Variants in NDUFAF6 observed in about 807,000 individuals in gnomAD.
The protein encoded by NDUFAF6 is NADH:ubiquinone oxidoreductase complex assembly factor 6, also known as NADH dehydrogenase (ubiquinone) complex I, assembly factor 6.
Under a neutral mutation model 40.8 loss-of-function variants are expected in NDUFAF6, and 45 were observed. The observed-to-expected ratio is 1.10, with a 90% CI of 0.87 to 1.42. The LOEUF is 1.42. Ranked by LOEUF, NDUFAF6 falls within the 40% of genes most tolerant of loss-of-function variation. The pLI is 0.00. For synonymous variants in NDUFAF6, 185 were observed against 155.9 expected (o/e 1.19, Z -1.39); for missense variants, 435 against 418.5 (o/e 1.04, Z -0.34).
rs138193094 is a variant in NDUFAF6 at position 94,992,236 on chromosome 8, C to G, written c.-84+11263C>G. ...GGCACGGTGGCTCACACCTGTAATC[C>G]CAGCACTTTGGGAGGCCAAGGGGGG... On this transcript the variant is annotated intron_variant, in intron 2 of 9. Coordinates refer to the NDUFAF6 transcript ENST00000396111. 6.8e-4 allele frequency among the ~76,000 whole-genome samples: 103 copies of G among 152,216 alleles called. 3 individuals are homozygous for G. The East Asian group carries it at 0.015, about 22-fold the overall frequency.
chr8:95,077,301 C>T (rs556260623), downstream of NDUFAF6, among the ~76,000 whole-genome samples: 1 of 152,314 alleles, frequency 6.6e-6, no homozygotes, highest in East Asian at 1.9e-4. Context: ...AAGAACAACA[C>T]AGCCTTGTAA....
chr8:94,980,730 G>A (rs1825377337), intron 1 of NDUFAF6: 1 of 265,312 alleles, frequency 3.8e-6, no homozygotes, highest in Non-Finnish European at 7.8e-6. Flanking sequence ...GTTTGAAGGT[G>A]TAAGCCACCG....
intron 2 of NDUFAF6, among the ~76,000 whole-genome samples, chr8:95,090,641 G>T (rs546733440): frequency 5.3e-5 from 8 of 152,232 alleles, no homozygotes; most frequent in African/African-American, 1.9e-4. Flanking sequence ...GGGTGTGATG[G>T]TTAATACTGA....
chr8:95,058,749 A>G (rs1458804702), downstream of NDUFAF6: 4 of 989,622 alleles, frequency 4.0e-6, no homozygotes, highest in East Asian at 1.1e-4. Flanking sequence ...CTTCCCAGTG[A>G]TGAGCACTGT....
intron 1 of NDUFAF6, among the ~76,000 whole-genome samples, chr8:94,914,816 C>T (rs539970832): frequency 1.1e-4 from 17 of 149,248 alleles, no homozygotes; most frequent in African/African-American, 3.7e-4. Context: ...ACCTGGGAGG[C>T]GGAGGCGTCT....
chr8:95,045,121 A>G (rs1372584499), intron 4 of NDUFAF6, among the ~76,000 whole-genome samples: 1 of 152,148 alleles, frequency 6.6e-6, no homozygotes, highest in African/African-American at 2.4e-5. Context: ...TAATGTGTCC[A>G]TGCCTCAGTT....
chr8:94,931,679 G>C (rs1384888833), intron 1 of NDUFAF6, among the ~76,000 whole-genome samples: 3 of 151,872 alleles, frequency 2.0e-5, no homozygotes, highest in South Asian at 2.1e-4. Context: ...TTAATATAAA[G>C]AAAATTATTT....
intron 1 of NDUFAF6, among the ~76,000 whole-genome samples, chr8:94,960,030 C>T (rs1586811789): frequency 6.6e-6 from 1 of 152,320 alleles, no homozygotes; most frequent in African/African-American, 2.4e-5. Flanking sequence ...TTAAACAGAT[C>T]GATCAATGAG....
chr8:94,926,094 C>T (rs548081414), intron 1 of NDUFAF6: 54 of 152,746 alleles, frequency 3.5e-4, no homozygotes, highest in African/African-American at 1.1e-3. Context: ...CAATGCTACA[C>T]TCATTTTTGG....
chr8:95,071,678 G>A (rs1207213298), intron 9 of NDUFAF6: 1 of 152,284 alleles, frequency 6.6e-6, no homozygotes, highest in Non-Finnish European at 1.5e-5. Flanking sequence ...GCTGTAAGTA[G>A]TTCCTGGCAA....
At chr8:95,105,364 AT>A (rs5893318), downstream of NDUFAF6, among the ~76,000 whole-genome samples, 122,769 of 148,940 alleles carry the variant, frequency 0.82, 50,822 homozygotes, top group East Asian at 0.99. Context: ...ATTTAGGCGC[AT>A]TTTTTTTTTT....
intron 7 of NDUFAF6, among the ~76,000 whole-genome samples, chr8:95,049,820 T>G (rs564518868): frequency 2.6e-5 from 4 of 152,320 alleles, no homozygotes; most frequent in African/African-American, 9.6e-5. Flanking sequence ...AAAAGTTTGC[T>G]TATTGCCTCC....
intron 2 of NDUFAF6, among the ~76,000 whole-genome samples, chr8:95,083,791 G>A (rs944118471): frequency 3.3e-5 from 5 of 152,100 alleles, no homozygotes; most frequent in Non-Finnish European, 7.4e-5. Flanking sequence ...AATGTAATAC[G>A]AAAATATCTG....
chr8:94,992,456 C>T (rs1826237642), intron 2 of NDUFAF6, among the ~76,000 whole-genome samples: 1 of 151,992 alleles, frequency 6.6e-6, no homozygotes, highest in African/African-American at 2.4e-5. Context: ...CACTGTACTC[C>T]AGCCTGGATG....
At chr8:95,023,551 GA>G (rs1827787067), upstream of NDUFAF6, among the ~76,000 whole-genome samples, 1 of 152,190 alleles carries the variant, frequency 6.6e-6, no homozygotes, top group Non-Finnish European at 1.5e-5. Flanking sequence ...GGACATTTTA[GA>G]AAGAACCAGT....
chr8:95,045,713 A>G (rs536392142), intron 5 of NDUFAF6, 66 bp downstream of exon 5: 3 of 1,353,974 alleles, frequency 2.2e-6, no homozygotes, highest in Non-Finnish European at 3.2e-6. Flanking sequence ...TCACTTTTTC[A>G]TAATTTGGTA....
intron 2 of NDUFAF6, among the ~76,000 whole-genome samples, chr8:95,093,335 T>G (rs1157155034): frequency 2.0e-5 from 3 of 152,198 alleles, no homozygotes; most frequent in African/African-American, 7.2e-5. Context: ...CCTTTCATTA[T>G]CAGGCCCAAA....
intron 1 of NDUFAF6, among the ~76,000 whole-genome samples, chr8:94,918,901 T>C (rs147759412): frequency 3.9e-5 from 6 of 152,370 alleles, no homozygotes; most frequent in East Asian, 1.9e-4. Context: ...ACACTAGTTT[T>C]AATTTAGTTA....
chr8:95,016,931 C>CTTTT (rs34316218), intron 2 of NDUFAF6, among the ~76,000 whole-genome samples: 1 of 108,046 alleles, frequency 9.3e-6, no homozygotes, highest in Non-Finnish European at 1.8e-5. Flanking sequence ...TCCTCCTCCT[C>CTTTT]TTTTTTTTTT....
Sources: gnomAD v4.1 joint callset for allele counts (sites outside exome capture counted in the v4.1 genomes callset) on GRCh38, gnomAD v4.1.1 for gene constraint, MANE v1.5 for transcripts, NCBI Gene and HGNC (gene_info 2026-07-23, HGNC 2026-07-21) for gene names.